PHF24: variants seen among roughly 807,000 people sequenced by gnomAD.
The protein encoded by PHF24 is PHD finger protein 24.
A neutral mutation model predicts 42.6 loss-of-function variants in PHF24; 25 were observed. The ratio of observed to expected loss-of-function variants is 0.59; its 90% confidence interval spans 0.43 to 0.82. The LOEUF (loss-of-function observed/expected upper bound fraction) is 0.82. Ranked by LOEUF, PHF24 falls within the 40% of genes least tolerant of loss-of-function variation. The probability of loss-of-function intolerance (pLI) is 0.00; values close to 1 mark genes in which losing one functional copy is unlikely to be tolerated. For missense variants in PHF24, 470 were observed against 538.1 expected, an observed-to-expected ratio of 0.87 and a Z score of 1.25; for synonymous variants, 185 against 204.8, an observed-to-expected ratio of 0.90 and a Z score of 0.83.
At chr9:34,723,856 G>T in the PHF24 span, 1 of 1,551,692 alleles carries the variant, frequency 6.4e-7, no homozygotes, top group Non-Finnish European at 8.7e-7. Flanking sequence ...TCTCCCCAGG[G>T]ACTCGTGGAG....
the PHF24 span, among the ~76,000 whole-genome samples, chr9:34,850,502 T>A: frequency 1.3e-5 from 2 of 152,226 alleles, no homozygotes; most frequent in Non-Finnish European, 2.9e-5. Context: ...TATACATTTG[T>A]CTAAATTTTT....
At chr9:34,726,734 G>T in the PHF24 span, 3 of 1,551,572 alleles carry the variant, frequency 1.9e-6, no homozygotes, top group East Asian at 4.9e-5. Flanking sequence ...CAGTGTTGGG[G>T]TTACAGATGA....
the PHF24 span, chr9:34,724,637 G>A: frequency 1.5e-3 from 2,350 of 1,528,070 alleles, 7 homozygotes; most frequent in African/African-American, 2.9e-3. Flanking sequence ...TAGAGGCAGC[G>A]TCTCCATTGT....
At chr9:34,709,111 A>G in the PHF24 span, 1 of 532,674 alleles carries the variant, frequency 1.9e-6, no homozygotes, top group Non-Finnish European at 3.3e-6. Flanking sequence ...GGTCCTGATG[A>G]TTCTCCTTCA....
At chr9:34,919,165 AT>A in the PHF24 span, among the ~76,000 whole-genome samples, 33 of 152,316 alleles carry the variant, frequency 2.2e-4, no homozygotes, top group East Asian at 6.4e-3. Context: ...GTGAACCAAT[AT>A]TAATACATTT....
chr9:34,927,710 C>T, the PHF24 span, among the ~76,000 whole-genome samples: 1 of 152,116 alleles, frequency 6.6e-6, no homozygotes, highest in South Asian at 2.1e-4. Flanking sequence ...TTCCTCGCTG[C>T]CCTCCTGGAT....
At chr9:34,916,718 C>G in the PHF24 span, among the ~76,000 whole-genome samples, 1 of 152,192 alleles carries the variant, frequency 6.6e-6, no homozygotes, top group Non-Finnish European at 1.5e-5. Flanking sequence ...AAGTGCTATT[C>G]ATATTTTTCT....
the PHF24 span, among the ~76,000 whole-genome samples, chr9:34,765,297 G>C: frequency 6.6e-6 from 1 of 151,302 alleles, no homozygotes. Context: ...GTTGACAGTG[G>C]GGTGTTAAAG....
intron 1 of PHF24, among the ~76,000 whole-genome samples, chr9:34,959,131 C>T (rs1826500603): frequency 6.6e-6 from 1 of 152,174 alleles, no homozygotes; most frequent in Admixed American, 6.5e-5. Context: ...AGCACAGGGC[C>T]CTAAGCCGAG....
At chr9:34,707,394 G>A in the PHF24 span, among the ~76,000 whole-genome samples, 10 of 152,196 alleles carry the variant, frequency 6.6e-5, no homozygotes, top group African/African-American at 2.2e-4. Flanking sequence ...CTTGGCAGGT[G>A]GGATCCCACA....
At chr9:34,958,254 C>T, upstream of PHF24, 1 of 156,248 alleles carries the variant, frequency 6.4e-6, no homozygotes, top group Non-Finnish European at 1.3e-5. The surrounding 1 kb of genome is among the most constrained non-coding windows in gnomAD (Gnocchi z 4.5). Context: ...CCGCCGCCGC[C>T]GCCTCCTCAG....
chr9:34,673,623 A>ATT, the PHF24 span, among the ~76,000 whole-genome samples: 19 of 132,542 alleles, frequency 1.4e-4, no homozygotes, highest in African/African-American at 3.6e-4. Flanking sequence ...AGCCTGGCTA[A>ATT]TTTTTTTTTT....
At chr9:34,773,936 A>G in the PHF24 span, among the ~76,000 whole-genome samples, 8 of 152,324 alleles carry the variant, frequency 5.3e-5, 1 homozygote, top group African/African-American at 1.4e-4. Flanking sequence ...GGTAAAAACT[A>G]AGGAAATCTG....
chr9:34,716,370 G>C, the PHF24 span, among the ~76,000 whole-genome samples: 2 of 152,180 alleles, frequency 1.3e-5, no homozygotes, highest in South Asian at 4.1e-4. Flanking sequence ...TGCGGTTCCT[G>C]TTGATAGAAA....
chr9:34,686,134 C>T, the PHF24 span, among the ~76,000 whole-genome samples: 5 of 152,180 alleles, frequency 3.3e-5, no homozygotes, highest in African/African-American at 1.2e-4. Flanking sequence ...TCAGGGATCA[C>T]CTAGGAAGTT....
At chr9:34,948,713 A>G in the PHF24 span, among the ~76,000 whole-genome samples, 6 of 152,200 alleles carry the variant, frequency 3.9e-5, no homozygotes, top group Non-Finnish European at 7.3e-5. Context: ...GAAATTACCT[A>G]ACAACACGTT....
At chr9:34,754,305 T>C in the PHF24 span, among the ~76,000 whole-genome samples, 1 of 152,144 alleles carries the variant, frequency 6.6e-6, no homozygotes, top group African/African-American at 2.4e-5. Context: ...AGCTCTGGAA[T>C]ATATTAGGAG....
the PHF24 span, among the ~76,000 whole-genome samples, chr9:34,846,605 T>G: frequency 6.6e-6 from 1 of 152,144 alleles, no homozygotes; most frequent in Non-Finnish European, 1.5e-5. Context: ...TTAGTTTAAT[T>G]AGATCCCATT....
the PHF24 span, among the ~76,000 whole-genome samples, chr9:34,757,543 C>T: frequency 2.3e-4 from 35 of 152,056 alleles, no homozygotes; most frequent in Non-Finnish European, 3.1e-4. Flanking sequence ...TTGAGTTCTA[C>T]GAATCTGGTG....
Sources: allele counts gnomAD v4.1 joint callset (sites outside exome capture counted in the v4.1 genomes callset), GRCh38; gene constraint gnomAD v4.1.1; non-coding constraint Gnocchi (gnomAD v3.1); transcripts MANE v1.5; gene names NCBI Gene and HGNC (gene_info 2026-07-23, HGNC 2026-07-21).